Variants in PPFIA2 observed in about 807,000 individuals in gnomAD.
PPFIA2 encodes liprin-alpha-2.
A neutral mutation model predicts 175.5 loss-of-function variants in PPFIA2; 46 were observed. That is an observed-to-expected ratio of 0.26 (90% CI 0.21 to 0.34). The LOEUF (loss-of-function observed/expected upper bound fraction) is 0.34. PPFIA2 is among the 10% of genes least tolerant of loss of function. PPFIA2 has a pLI of 1.00. For missense variants in PPFIA2, 1,179 were observed against 1,506.1 expected (o/e 0.78, Z 3.60); for synonymous variants, 568 against 511.4 (o/e 1.11, Z -1.49).
chr12:81,463,756 C>T (rs2055079887), intron 4 of PPFIA2, among the ~76,000 whole-genome samples: 1 of 152,082 alleles, frequency 6.6e-6, no homozygotes, highest in South Asian at 2.1e-4. Flanking sequence ...ATCATTCAAA[C>T]TACTTTTCTC....
intron 4 of PPFIA2, among the ~76,000 whole-genome samples, chr12:81,604,759 A>G (rs891385425): frequency 2.6e-5 from 4 of 151,762 alleles, no homozygotes; most frequent in African/African-American, 9.7e-5. Context: ...CTTAAGATGT[A>G]TCTTTTCCAA....
At chr12:81,493,234 T>C (rs181290070) in intron 4 of PPFIA2, among the ~76,000 whole-genome samples, 63 of 152,212 alleles carry the variant, frequency 4.1e-4, no homozygotes, top group Admixed American at 1.7e-3. Flanking sequence ...GAGACGCTAA[T>C]ATAGAAGTCA....
chr12:81,460,833 T>G (rs1049443544), intron 4 of PPFIA2, among the ~76,000 whole-genome samples: 1 of 152,026 alleles, frequency 6.6e-6, no homozygotes, highest in Non-Finnish European at 1.5e-5. Context: ...CTTAAGAAAC[T>G]ACTAAAATCT....
chr12:81,508,869 G>T (rs2061484514), intron 4 of PPFIA2, among the ~76,000 whole-genome samples: 1 of 149,744 alleles, frequency 6.7e-6, no homozygotes. Flanking sequence ...GCGGTGTTTG[G>T]TTTTTTGTTC....
In PPFIA2 at chr12:81,747,978, CT is replaced by C. The variant is rs759461127; in HGVS notation, c.249+5994del. On this transcript the variant is annotated intron_variant, in intron 3 of 32. Coordinates refer to ENST00000549396, the MANE Select transcript of PPFIA2 (RefSeq NM_003625.5). Reference sequence around the variant, plus strand: ...ACATTCTCATACCTCCTTTCAATCACTCTTAAGGGTAGATATTATTTACTCT... The same window carrying C: ...ACATTCTCATACCTCCTTTCAATCACCTTAAGGGTAGATATTATTTACTCT... Among the ~76,000 whole-genome samples, 15 of 144,132 alleles carry C rather than the reference CT, an allele frequency of 1.0e-4. 1 individual carries two copies. Among genetic ancestry groups the C allele is most frequent in the Middle Eastern group, 3.5e-3 (1 of 288 alleles). 94.6% of individuals were successfully genotyped at this position (144,132 alleles called of 152,430 possible). A position where few individuals can be genotyped will look rare whatever the true frequency, so the allele number is the denominator to read the frequency against.
At chr12:81,538,623 C>A (rs1414004598) in intron 4 of PPFIA2, among the ~76,000 whole-genome samples, 1 of 151,778 alleles carries the variant, frequency 6.6e-6, no homozygotes, top group African/African-American at 2.4e-5. Flanking sequence ...AAGAAGTGAA[C>A]ATGTGGATAT....
intron 7 of PPFIA2, chr12:81,417,304 G>A (rs1366865828): frequency 6.6e-6 from 1 of 151,570 alleles, no homozygotes; most frequent in Non-Finnish European, 1.5e-5. Context: ...CTAGCATCAT[G>A]AAATTTGACC....
At chr12:81,657,499 C>G (rs1428175304) in intron 4 of PPFIA2, among the ~76,000 whole-genome samples, 3 of 152,132 alleles carry the variant, frequency 2.0e-5, no homozygotes, top group African/African-American at 7.2e-5. Context: ...TTCATTCTTT[C>G]TGGAATGACT....
chr12:81,276,419 C>CA (rs890425436), intron 28 of PPFIA2, among the ~76,000 whole-genome samples: 5 of 151,832 alleles, frequency 3.3e-5, no homozygotes, highest in South Asian at 2.1e-4. Flanking sequence ...AAATTTAAAA[C>CA]AAAAAAATAC....
chr12:81,648,545 A>G (rs1387737235), intron 4 of PPFIA2, among the ~76,000 whole-genome samples: 1 of 152,046 alleles, frequency 6.6e-6, no homozygotes, highest in Non-Finnish European at 1.5e-5. Context: ...GAGATTAAAT[A>G]TGGGTAAGAT....
chr12:81,319,031 C>A (rs942620465), intron 22 of PPFIA2, among the ~76,000 whole-genome samples: 1 of 151,520 alleles, frequency 6.6e-6, no homozygotes, highest in African/African-American at 2.4e-5. Flanking sequence ...ACATTATCTT[C>A]TATTATATGT....
chr12:81,363,451 A>T (rs1388923010), intron 14 of PPFIA2, among the ~76,000 whole-genome samples: 1 of 151,636 alleles, frequency 6.6e-6, no homozygotes, highest in South Asian at 2.1e-4. Flanking sequence ...CTATAAATTT[A>T]TGAAGATAGG....
chr12:81,366,353 T>G (rs1361440054), intron 14 of PPFIA2, among the ~76,000 whole-genome samples: 1 of 151,660 alleles, frequency 6.6e-6, no homozygotes, highest in African/African-American at 2.4e-5. Flanking sequence ...TCCAGCCAAA[T>G]AGTTGTGCCT....
chr12:81,466,433 G>A (rs2055636932), intron 4 of PPFIA2, among the ~76,000 whole-genome samples: 1 of 152,082 alleles, frequency 6.6e-6, no homozygotes, highest in Non-Finnish European at 1.5e-5. Context: ...AAGGTACTTA[G>A]AATCTTTCAA....
intron 4 of PPFIA2, among the ~76,000 whole-genome samples, chr12:81,475,085 A>G (rs981124739): frequency 6.6e-6 from 1 of 152,198 alleles, no homozygotes; most frequent in Admixed American, 6.5e-5. Flanking sequence ...TGGATAGTCA[A>G]TCTTCAGATC....
intron 3 of PPFIA2, among the ~76,000 whole-genome samples, chr12:81,720,036 TAGTA>T (rs2079120013): frequency 6.8e-6 from 1 of 146,652 alleles, no homozygotes; most frequent in African/African-American, 2.5e-5. Flanking sequence ...CATTTAGAGT[TAGTA>T]AATTTAAAAA....
chr12:81,466,109 T>C (rs73358647), intron 4 of PPFIA2, among the ~76,000 whole-genome samples: 20,928 of 152,070 alleles, frequency 0.14, 1,672 homozygotes, highest in African/African-American at 0.21. Context: ...ATAACTAATG[T>C]AATGTGACAG....
chr12:81,390,790 T>G (rs7959760), intron 8 of PPFIA2, among the ~76,000 whole-genome samples: 34,864 of 151,574 alleles, frequency 0.23, 5,368 homozygotes, highest in East Asian at 0.46. Flanking sequence ...TTTTAAGAAG[T>G]TCCAGTTTAT....
chr12:81,333,671 T>G (rs2056564752), intron 21 of PPFIA2, among the ~76,000 whole-genome samples: 1 of 152,106 alleles, frequency 6.6e-6, no homozygotes, highest in Admixed American at 6.6e-5. Context: ...ACTTTTAGAG[T>G]AGGAGAATTT....
Sources: allele counts gnomAD v4.1 joint callset (sites outside exome capture counted in the v4.1 genomes callset), GRCh38; gene constraint gnomAD v4.1.1; transcripts MANE v1.5; gene names NCBI Gene and HGNC (gene_info 2026-07-23, HGNC 2026-07-21).